Variants in PHIP observed in about 807,000 individuals in gnomAD.
PHIP encodes PH-interacting protein.
In PHIP, 54 loss-of-function variants were observed where a neutral mutation model predicts 236.8. The observed-to-expected ratio is 0.23, with a 90% CI of 0.18 to 0.29. The LOEUF is 0.29. PHIP is among the 10% of genes least tolerant of loss of function. The pLI, the probability that PHIP is intolerant of heterozygous loss-of-function variation, is 1.00. For missense variants in PHIP, 1,370 were observed against 2,190.8 expected, an observed-to-expected ratio of 0.63 and a Z score of 7.48; for synonymous variants, 756 against 718.9, an observed-to-expected ratio of 1.05 and a Z score of -0.83.
chr6:78,958,716 C>T (rs1001204045), intron 31 of PHIP, 116 bp from the exon 32 acceptor site: 1 of 686,062 alleles, frequency 1.5e-6, no homozygotes, highest in Admixed American at 2.6e-5. Flanking sequence ...CTGTAAAAAC[C>T]ATTGGTCTTA....
At chr6:78,994,343 T>C (rs1410654358) in intron 19 of PHIP, among the ~76,000 whole-genome samples, 1 of 152,144 alleles carries the variant, frequency 6.6e-6, no homozygotes, top group Non-Finnish European at 1.5e-5. Flanking sequence ...TTTGGGAGGC[T>C]GAAGTGGGCA....
Position 79,060,140 on chromosome 6 carries a change from A to G in PHIP, c.439+338T>C, listed in dbSNP as rs144436502. On this transcript the variant is annotated intron_variant, in intron 6 of 39. Transcript: ENST00000275034. Reference sequence around the variant, plus strand: ...AAAAAAGTACTGTGCTCTTAAAAAGATAACTACTTTTGTCTCCTACCATTA... The same window carrying G: ...AAAAAAGTACTGTGCTCTTAAAAAGGTAACTACTTTTGTCTCCTACCATTA... Among the ~76,000 whole-genome samples the G allele has an allele frequency of 5.8e-3, 877 of 151,996 alleles. 13 individuals are homozygous for G. The highest frequency in any genetic ancestry group is 0.02 in the African/African-American group (833 of 41,490).
In PHIP at chr6:79,017,537, A is replaced by C. The variant is rs1770889844; in HGVS notation, c.1041T>G (p.Val347=). The C allele has an allele frequency of 6.2e-7, 1 of 1,612,446 alleles. No homozygotes were observed. The highest frequency in any genetic ancestry group is 8.5e-7 in the Non-Finnish European group (1 of 1,178,806). ...ATGSTDHIIR[V]YFFGSGQPEK... ...CTGGCTGACCTGATCCAAAAAAATA[A>C]ACCCGAATAATATGATCTGTGCTTC... The change falls in exon 11 of 40, where the codon GTT becomes GTG. Residue 347 remains valine, a synonymous_variant. Transcript: ENST00000275034.
Position 78,941,255 on chromosome 6 carries a change from A to T in PHIP, c.4904T>A (p.Val1635Glu). ...NGHGGQPSKL[V>E]KRGPGRKPKV... ...AGGTTTCCTTCCAGGTCCCCTCTTCACAAGTTTTGATGGCTGTCCTCCATG... is the reference window on the plus strand; with the variant it reads ...AGGTTTCCTTCCAGGTCCCCTCTTCTCAAGTTTTGATGGCTGTCCTCCATG... Residue 1635 changes from valine (V) to glutamate (E), a missense_variant, in exon 40 of 40, where the codon GTG (valine) becomes GAG (glutamate). By Grantham distance (121) the Val-to-Glu change is moderately radical (BLOSUM62 -2). Around this residue, in one of 14 missense-constraint regions of PHIP, gnomAD observed 309 missense variants for 328.3 expected, o/e 0.94. Coordinates refer to ENST00000275034, the MANE Select transcript of PHIP (RefSeq NM_017934.7). 1 of 1,613,486 alleles carries T rather than the reference A, an allele frequency of 6.2e-7. No homozygotes were observed. The highest frequency in any genetic ancestry group is 8.5e-7 in the Non-Finnish European group (1 of 1,179,614).
chr6:79,049,149 G>A (rs569794561), intron 6 of PHIP, among the ~76,000 whole-genome samples: 3 of 150,956 alleles, frequency 2.0e-5, no homozygotes, highest in Admixed American at 6.6e-5. Flanking sequence ...TGCAGCCTCC[G>A]CCTCCTGGGT....
chr6:79,037,249 A>T, intron 7 of PHIP, among the ~76,000 whole-genome samples: 1 of 152,134 alleles, frequency 6.6e-6, no homozygotes, highest in East Asian at 1.9e-4. Context: ...AGCAGGTTAT[A>T]AAGAATACAG....
chr6:79,011,875 A>G (rs1243107984), intron 15 of PHIP, among the ~76,000 whole-genome samples: 2 of 151,720 alleles, frequency 1.3e-5, no homozygotes, highest in Non-Finnish European at 3.0e-5. Flanking sequence ...TTTTAAAAGT[A>G]TAAGTCATGG....
chr6:78,946,620 G>C (rs185445971), intron 37 of PHIP, 91 bp downstream of exon 37: 6 of 1,455,518 alleles, frequency 4.1e-6, no homozygotes, highest in Middle Eastern at 5.2e-4. Flanking sequence ...GCAATATAGG[G>C]AATAGTAAAG....
intron 19 of PHIP, among the ~76,000 whole-genome samples, chr6:78,991,565 G>C (rs950423630): frequency 6.6e-6 from 1 of 152,012 alleles, no homozygotes; most frequent in South Asian, 2.1e-4. Context: ...CTCATGAGAA[G>C]ATAATTTTAT....
At chr6:79,051,702 C>T (rs1282553397) in intron 6 of PHIP, among the ~76,000 whole-genome samples, 2 of 152,010 alleles carry the variant, frequency 1.3e-5, no homozygotes, top group Non-Finnish European at 2.9e-5. Context: ...CATGAACCAA[C>T]TACATTAAGA....
chr6:78,965,641 T>TA, intron 29 of PHIP, 62 bp downstream of exon 29: 1 of 935,004 alleles, frequency 1.1e-6, no homozygotes, highest in Non-Finnish European at 1.7e-6. Flanking sequence ...TAGCAAATCT[T>TA]AAATAATTTC....
At chr6:79,071,897 CTATTAT>C (rs147406474) in intron 4 of PHIP, among the ~76,000 whole-genome samples, 5 of 151,136 alleles carry the variant, frequency 3.3e-5, no homozygotes, top group African/African-American at 9.7e-5. Flanking sequence ...CTGCATTAGA[CTATTAT>C]TATTATTATT....
chr6:78,947,951 T>TC lies in PHIP; in HGVS notation c.4054-177dup, dbSNP rs11370597. 0.33 allele frequency among the ~76,000 whole-genome samples: 49,684 copies of TC among 150,740 alleles called. 9,496 individuals are homozygous for TC. Among genetic ancestry groups the TC allele is most frequent in the East Asian group, 0.69 (3,506 of 5,112 alleles). ...CTAATAATTCTTATTTATTTCATACTCCCCCCCCTTATACTGCAATCAACA... is the reference window on the plus strand; with the variant it reads ...CTAATAATTCTTATTTATTTCATACTCCCCCCCCCTTATACTGCAATCAACA... On this transcript the variant is annotated intron_variant, in intron 35 of 39. Coordinates refer to ENST00000275034, the MANE Select transcript of PHIP (RefSeq NM_017934.7).
chr6:78,991,544 C>CA (rs1481416809), intron 19 of PHIP, among the ~76,000 whole-genome samples: 1 of 151,902 alleles, frequency 6.6e-6, no homozygotes, highest in East Asian at 1.9e-4. Context: ...AACTTTAATA[C>CA]AAAAAATGAA....
At chr6:79,045,866 A>AAACTATTCTT (rs1772458602) in intron 6 of PHIP, among the ~76,000 whole-genome samples, 1 of 152,190 alleles carries the variant, frequency 6.6e-6, no homozygotes, top group African/African-American at 2.4e-5. Context: ...ATAGTGATAG[A>AAACTATTCTT]AACTATTCTT....
In PHIP at chr6:78,965,688, C is replaced by G. The variant is rs1457721451; in HGVS notation, c.3379+15G>C. The G allele has an allele frequency of 1.4e-6, 2 of 1,446,066 alleles. No homozygotes were observed. Among genetic ancestry groups the G allele is most frequent in the Non-Finnish European group, 1.9e-6 (2 of 1,040,998 alleles). The allele number at this position is 1,446,066 out of a possible 1,614,324, so 89.6% of individuals were successfully genotyped here. On this transcript the variant is annotated intron_variant, in intron 29 of 39. Coordinates refer to ENST00000275034, the MANE Select transcript of PHIP (RefSeq NM_017934.7). ...ACTCCATAATGGAGAAACAAAAAGC[C>G]TAACACACACTTACCATTATTAGGT...
intron 6 of PHIP, among the ~76,000 whole-genome samples, chr6:79,047,847 T>C (rs750128854): frequency 6.6e-5 from 10 of 152,144 alleles, no homozygotes; most frequent in Non-Finnish European, 1.5e-4. Flanking sequence ...CTTAACTCTT[T>C]AATCCATCTA....
At chr6:79,013,692 C>T (rs1770700419) in intron 15 of PHIP, among the ~76,000 whole-genome samples, 2 of 151,720 alleles carry the variant, frequency 1.3e-5, no homozygotes, top group South Asian at 4.2e-4. Flanking sequence ...AGGGAAAATT[C>T]ACCTTTATAT....
At chr6:78,960,055 C>T (rs1360050949) in intron 31 of PHIP, among the ~76,000 whole-genome samples, 1 of 152,122 alleles carries the variant, frequency 6.6e-6, no homozygotes, top group East Asian at 1.9e-4. Context: ...GGAGCTGTAG[C>T]TCACTGACAT....
Sources: allele counts gnomAD v4.1 joint callset (sites outside exome capture counted in the v4.1 genomes callset), GRCh38; gene constraint gnomAD v4.1.1; regional missense constraint gnomAD v4.1.1; transcripts MANE v1.5; gene names NCBI Gene and HGNC (gene_info 2026-07-23, HGNC 2026-07-21).